TDRP: variants seen among roughly 807,000 people sequenced by gnomAD.
TDRP encodes testis development related protein.
In TDRP, 12 loss-of-function variants were observed where a neutral mutation model predicts 10.5. The ratio of observed to expected loss-of-function variants is 1.15; its 90% CI spans 0.73 to 1.86. The LOEUF (loss-of-function observed/expected upper bound fraction) is 1.86, where lower values mean the gene tolerates loss of function less well. Among genes scored for constraint, TDRP ranks in the 40% most tolerant of loss-of-function variants. TDRP has a pLI of 0.00. For synonymous variants in TDRP, 139 were observed against 95.4 expected, an observed-to-expected ratio of 1.46 and a Z score of -2.67; for missense variants, 353 against 229.2, an observed-to-expected ratio of 1.54 and a Z score of -3.49.
intron 1 of TDRP, among the ~76,000 whole-genome samples, chr8:495,257 A>G (rs1801093433): frequency 1.3e-5 from 2 of 152,218 alleles, no homozygotes; most frequent in South Asian, 4.2e-4. Flanking sequence ...CAGCAACAAC[A>G]ACAAAACACA....
intron 1 of TDRP, among the ~76,000 whole-genome samples, chr8:541,626 G>C (rs1409542758): frequency 6.6e-6 from 1 of 152,054 alleles, no homozygotes; most frequent in Non-Finnish European, 1.5e-5. Context: ...ACCAAAAAAG[G>C]GACACAGATG....
At chr8:519,764 G>C (rs1484384230) in intron 1 of TDRP, among the ~76,000 whole-genome samples, 2 of 152,190 alleles carry the variant, frequency 1.3e-5, no homozygotes, top group Admixed American at 6.5e-5. Context: ...GACAGGGTTT[G>C]GAATGCAGAA....
rs193184964 is a variant in TDRP, at chr8:528,502, A to G, written c.108+16148T>C. ...CTGTTCACAACAGCCAAGATTTGGA[A>G]GCAACCTAAGTATCCATCAACATCA... On this transcript the variant is annotated intron_variant, in intron 1 of 2. Transcript: ENST00000324079. Among the ~76,000 whole-genome samples the G allele has an allele frequency of 4.6e-3, 696 of 150,180 alleles. 44 individuals are homozygous for G. The highest frequency in any genetic ancestry group is 6.9e-3 in the Non-Finnish European group (462 of 67,386).
intron 1 of TDRP, among the ~76,000 whole-genome samples, chr8:512,629 C>T (rs1801649601): frequency 6.7e-6 from 1 of 149,230 alleles, no homozygotes; most frequent in African/African-American, 2.5e-5. Flanking sequence ...CACAAAGACA[C>T]AAACTACCAA....
chr8:543,423 CAAT>C (rs1339870682), intron 1 of TDRP, among the ~76,000 whole-genome samples: 1 of 152,054 alleles, frequency 6.6e-6, no homozygotes, highest in Non-Finnish European at 1.5e-5. Flanking sequence ...TATCCAGAAA[CAAT>C]AATATGGCTC....
At chr8:498,601 G>C (rs766770256) in intron 1 of TDRP, among the ~76,000 whole-genome samples, 43 of 152,170 alleles carry the variant, frequency 2.8e-4, no homozygotes, top group African/African-American at 7.2e-4. Context: ...TTTGACTTTT[G>C]AGTTAATGCT....
At chr8:498,161 AC>A (rs1033644133) in intron 1 of TDRP, among the ~76,000 whole-genome samples, 1 of 152,154 alleles carries the variant, frequency 6.6e-6, no homozygotes, top group African/African-American at 2.4e-5. Context: ...GAAGAGGGCC[AC>A]CGTCTTCTCA....
chr8:513,280 G>A (rs188841458), intron 1 of TDRP, among the ~76,000 whole-genome samples: 63 of 151,942 alleles, frequency 4.1e-4, no homozygotes, highest in African/African-American at 1.4e-3. Flanking sequence ...CCACCAAACT[G>A]AATCCAAAAA....
intron 1 of TDRP, among the ~76,000 whole-genome samples, chr8:496,875 C>T (rs1801151792): frequency 6.6e-6 from 1 of 152,202 alleles, no homozygotes; most frequent in Non-Finnish European, 1.5e-5. Flanking sequence ...TGTCTTTTCT[C>T]TCTCTCTATC....
intron 1 of TDRP, among the ~76,000 whole-genome samples, chr8:535,878 C>A (rs1584883834): frequency 6.6e-6 from 1 of 151,936 alleles, no homozygotes; most frequent in East Asian, 2.0e-4. Context: ...AGGGGTGGAA[C>A]CCACCAGCCC....
intron 1 of TDRP, among the ~76,000 whole-genome samples, chr8:532,140 G>A (rs1477142281): frequency 1.3e-5 from 2 of 152,186 alleles, no homozygotes; most frequent in African/African-American, 2.4e-5. Flanking sequence ...CATCCATAGG[G>A]TGAAAGAGAG....
At chr8:520,587 C>T (rs1801876692) in intron 1 of TDRP, among the ~76,000 whole-genome samples, 1 of 152,220 alleles carries the variant, frequency 6.6e-6, no homozygotes, top group African/African-American at 2.4e-5. Flanking sequence ...TCCAATCTCC[C>T]CGCATCCTTG....
At chr8:493,407 A>AGATGAAG (rs1476201229) in intron 2 of TDRP, among the ~76,000 whole-genome samples, 1 of 152,250 alleles carries the variant, frequency 6.6e-6, no homozygotes, top group African/African-American at 2.4e-5. Flanking sequence ...CATCCTCTAC[A>AGATGAAG]GATGAAGGAT....
At chr8:497,878 G>T (rs1399637737) in intron 1 of TDRP, among the ~76,000 whole-genome samples, 1 of 152,184 alleles carries the variant, frequency 6.6e-6, no homozygotes, top group Non-Finnish European at 1.5e-5. Context: ...TGGGGCCAAG[G>T]TATAGCTCCA....
rs1399620660 is a variant in TDRP, at chr8:492,374, G to A, written c.*25C>T. ...ATACTCATAAAAGGCCACCATGTCG[G>A]GGCACACTTGCCACGCAGCCCCCCT... On this transcript the variant is annotated 3_prime_UTR_variant, in exon 3 of 3. Coordinates refer to ENST00000324079, the MANE Select transcript of TDRP (RefSeq NM_001384899.1). 6.8e-7 allele frequency: 1 copy of A among 1,478,924 alleles called. No homozygotes were observed. The allele number at this position is 1,478,924 out of a possible 1,614,324, so 91.6% of individuals were successfully genotyped here.
At chr8:514,738 A>G (rs1355325699) in intron 1 of TDRP, among the ~76,000 whole-genome samples, 2 of 152,022 alleles carry the variant, frequency 1.3e-5, no homozygotes, top group East Asian at 1.9e-4. Flanking sequence ...GGAAATGTCT[A>G]TTTTTGCATT....
chr8:541,431 A>C (rs927806402), intron 1 of TDRP, among the ~76,000 whole-genome samples: 4 of 152,270 alleles, frequency 2.6e-5, no homozygotes, highest in African/African-American at 2.4e-5. Flanking sequence ...TTAAAATTAA[A>C]AACTTCTGCT....
chr8:491,461 C>T lies in TDRP; in HGVS notation c.*938G>A, dbSNP rs1218194080. ...ACGCGAGAGATGCTCTCAAACCGGT[C>T]GTCGATTATTCTTGTGGAAAAAACA... is the stretch of plus-strand genomic sequence containing the variant. On this transcript the variant is annotated 3_prime_UTR_variant, in exon 3 of 3. Coordinates refer to ENST00000324079, the MANE Select transcript of TDRP (RefSeq NM_001384899.1). The T allele has an allele frequency of 1.6e-5, 11 of 677,572 alleles. No individual in the cohort carries two copies. The highest frequency in any genetic ancestry group is 3.1e-5 in the East Asian group (1 of 31,894). The allele number at this position is 677,572 out of a possible 1,614,324, so 42.0% of individuals were successfully genotyped here. A position where few individuals can be genotyped will look rare whatever the true frequency, so the allele number is the denominator to read the frequency against.
rs137936000 is a variant in TDRP, at chr8:534,689, G to C, written c.108+9961C>G. ...GCCTCAGCTGGGAAGGAGCTCGCTG[G>C]GTGATGATGAGTGTTTGCTGCTCTG... On this transcript the variant is annotated intron_variant, in intron 1 of 2. Transcript: ENST00000324079. Among the ~76,000 whole-genome samples, 570 of 152,302 alleles carry C rather than the reference G, an allele frequency of 3.7e-3. 5 individuals carry two copies. Among genetic ancestry groups the C allele is most frequent in the African/African-American group, 0.013 (547 of 41,552 alleles).
Sources: gnomAD v4.1 joint callset for allele counts (sites outside exome capture counted in the v4.1 genomes callset) on GRCh38, gnomAD v4.1.1 for gene constraint, MANE v1.5 for transcripts, NCBI Gene and HGNC (gene_info 2026-07-23, HGNC 2026-07-21) for gene names.